The following NF1 variants were observed in gnomAD, a reference collection of about 807,000 sequenced individuals.
NF1 encodes the protein neurofibromin 1, also known as neurofibromin.
A neutral mutation model predicts 325.7 loss-of-function variants in NF1; 122 were observed. The ratio of observed to expected loss-of-function variants is 0.37; its 90% CI spans 0.32 to 0.44. NF1 has a LOEUF of 0.44. Ranked by LOEUF, NF1 falls within the 20% of genes least tolerant of loss-of-function variation. The probability of loss-of-function intolerance (pLI) is 1.00; values close to 1 mark genes in which losing one functional copy is unlikely to be tolerated. For missense variants in NF1, 2,140 were observed against 3,415.4 expected, an observed-to-expected ratio of 0.63 and a Z score of 9.31; for synonymous variants, 1,091 against 1,186.0, an observed-to-expected ratio of 0.92 and a Z score of 1.65.
rs2151561382 is a variant in NF1 at position 31,340,494 on chromosome 17, T to G, written c.6922-11T>G. The G allele has an allele frequency of 3.1e-6, 5 of 1,614,210 alleles. No homozygotes were observed. Among genetic ancestry groups the G allele is most frequent in the Non-Finnish European group, 4.2e-6 (5 of 1,180,014 alleles). On this transcript the variant is annotated splice_polypyrimidine_tract_variant and intron_variant, in intron 46 of 57. Coordinates refer to ENST00000358273, the MANE Select transcript of NF1 (RefSeq NM_001042492.3). Reference sequence around the variant, plus strand: ...TCATCTTACTAGCCTCAAACATATCTTCTTTGCCAGGACTCGCCTCTGCAC... The same window carrying G: ...TCATCTTACTAGCCTCAAACATATCGTCTTTGCCAGGACTCGCCTCTGCAC...
chr17:31,181,801 A>ATTTTTTTTTTTTTTTTTTTTTTTTTT lies in NF1; in HGVS notation c.730+32_730+33insTTTTTTTTTTTTTTTTTTTTTTTTTT. 1.6e-6 allele frequency: 2 copies of ATTTTTTTTTTTTTTTTTTTTTTTTTT among 1,218,592 alleles called. No homozygotes were observed. Among genetic ancestry groups the ATTTTTTTTTTTTTTTTTTTTTTTTTT allele is most frequent in the Non-Finnish European group, 2.3e-6 (2 of 853,106 alleles). 75.5% of individuals were successfully genotyped at this position (1,218,592 alleles called of 1,614,324 possible). A position where few individuals can be genotyped will look rare whatever the true frequency, so the allele number is the denominator to read the frequency against. ...GATATGGCTGGTAAGGATACGATTG[A>ATTTTTTTTTTTTTTTTTTTTTTTTTT]TTTTTTTTTTTTTTTTGTCTTTTAA... On this transcript the variant is annotated intron_variant, in intron 7 of 57. Transcript: ENST00000358273.
chr17:31,141,334 A>C (rs1473498481), intron 1 of NF1, among the ~76,000 whole-genome samples: 1 of 152,014 alleles, frequency 6.6e-6, no homozygotes, highest in Non-Finnish European at 1.5e-5. Context: ...AGGTATCTGA[A>C]ATACTTACCA....
At chr17:31,258,919 G>T in intron 32 of NF1, 113 bp from the exon 33 acceptor site, 1 of 682,562 alleles carries the variant, frequency 1.5e-6, no homozygotes. Context: ...TGATTTTTAA[G>T]TACTAGCAGA....
chr17:31,318,047 A>G lies in NF1; in HGVS notation c.4836-7773A>G, dbSNP rs1479369049. 3 of 433,210 alleles carry G rather than the reference A, an allele frequency of 6.9e-6. No homozygotes were observed. In the East Asian group the frequency reaches 1.2e-4, roughly 17 times the overall value. The allele number at this position is 433,210 out of a possible 1,614,324, so 26.8% of individuals were successfully genotyped here. A position where few individuals can be genotyped will look rare whatever the true frequency, so the allele number is the denominator to read the frequency against. Reference sequence around the variant, plus strand: ...GCTATCTCTATTAATCAGTTTCCTCAATTTATCCTTAAAATTTTCCTCAAA... The same window carrying G: ...GCTATCTCTATTAATCAGTTTCCTCGATTTATCCTTAAAATTTTCCTCAAA... On this transcript the variant is annotated intron_variant, in intron 36 of 57. Transcript: ENST00000358273.
chr17:31,207,962 C>T (rs1247403478), intron 12 of NF1, among the ~76,000 whole-genome samples: 1 of 152,022 alleles, frequency 6.6e-6, no homozygotes, highest in Non-Finnish European at 1.5e-5. Context: ...ACCAGCTGCC[C>T]ATAATTTTCT....
intron 1 of NF1, among the ~76,000 whole-genome samples, chr17:31,154,053 A>AT (rs67332557): frequency 0.045 from 2,357 of 52,758 alleles, 439 homozygotes; most frequent in African/African-American, 0.12. Context: ...AGTTTCTTTG[A>AT]TTTTTTTTTT....
Position 31,358,616 on chromosome 17 carries a change from C to T in NF1, c.8107C>T (p.Leu2703=), listed in dbSNP as rs955074155. ...ESPPQYQTSY[L]QSFGFNGLWR... ...CCCACCACAATACCAAACATCTTAC[C>T]TGCAAAGTAAATAAATGTATCTGGA... is the stretch of plus-strand genomic sequence containing the variant. Residue 2703 remains leucine, a synonymous_variant, in exon 55 of 58, where the codon CTG becomes TTG. Transcript: ENST00000358273. The T allele has an allele frequency of 6.2e-7, 1 of 1,614,014 alleles. No individual in the cohort carries two copies. Among genetic ancestry groups the T allele is most frequent in the Non-Finnish European group, 8.5e-7 (1 of 1,179,938 alleles).
At chr17:31,361,048 C>T (rs2070383988) in intron 57 of NF1, 3 of 222,952 alleles carry the variant, frequency 1.3e-5, no homozygotes, top group Admixed American at 1.2e-4. Context: ...CCCTAAGGGC[C>T]TCTTTCTCTG....
rs551355601 is a variant in NF1 at position 31,342,364 on chromosome 17, G to A, written c.7063-645G>A. Among the ~76,000 whole-genome samples, 6 of 152,272 alleles carry A rather than the reference G, an allele frequency of 3.9e-5. No homozygotes were observed. In the East Asian group the frequency reaches 7.7e-4, roughly 20 times the overall value. On this transcript the variant is annotated intron_variant, in intron 47 of 57. Transcript: ENST00000358273. Reference sequence around the variant, plus strand: ...TGTAATTCCAGCACTCTGGGAGGCCGAGTTGGGAGGATCACTTGAGGTTAG... The same window carrying A: ...TGTAATTCCAGCACTCTGGGAGGCCAAGTTGGGAGGATCACTTGAGGTTAG...
intron 29 of NF1, among the ~76,000 whole-genome samples, chr17:31,241,050 G>C (rs530611663): frequency 1.3e-5 from 2 of 152,106 alleles, no homozygotes; most frequent in African/African-American, 4.8e-5. Flanking sequence ...GCTGATTTTT[G>C]TATTTTTAGT....
chr17:31,318,153 T>C (rs2151526076), intron 36 of NF1: 1 of 894,678 alleles, frequency 1.1e-6, no homozygotes, highest in Non-Finnish European at 1.7e-6. Context: ...TAAGCAGGCA[T>C]ACTTCTCCCT....
rs1250496630 is a variant in NF1, at chr17:31,235,920, A to G, written c.3873A>G (p.Val1291=). 17 of 1,613,352 alleles carry G rather than the reference A, an allele frequency of 1.1e-5. No individual in the cohort carries two copies. Among genetic ancestry groups the G allele is most frequent in the Admixed American group, 1.7e-5 (1 of 59,994 alleles). ...ASKIMTFCFK[V]YGATYLQKLL... is the part of the protein sequence containing the mutation. ...CTCCTATTCGTGCATTTCTGTAGGTATATGGTGCTACCTATCTACAAAAAC... is the reference window on the plus strand; with the variant it reads ...CTCCTATTCGTGCATTTCTGTAGGTGTATGGTGCTACCTATCTACAAAAAC... The change falls in exon 29 of 58, where the codon GTA becomes GTG. Residue 1291 remains valine, a splice_region_variant and synonymous_variant. Transcript: ENST00000358273.
In NF1 at chr17:31,181,801, A is replaced by ATTTTTT. The variant is rs71142032; in HGVS notation, c.730+27_730+32dup. The ATTTTTT allele has an allele frequency of 4.1e-5, 50 of 1,218,954 alleles. No individual in the cohort carries two copies. Among genetic ancestry groups the ATTTTTT allele is most frequent in the African/African-American group, 6.1e-5 (4 of 65,908 alleles). The allele number at this position is 1,218,954 out of a possible 1,614,324, so 75.5% of individuals were successfully genotyped here. ...GATATGGCTGGTAAGGATACGATTG[A>ATTTTTT]TTTTTTTTTTTTTTTTGTCTTTTAA... is the stretch of plus-strand genomic sequence containing the variant. On this transcript the variant is annotated intron_variant, in intron 7 of 57. Coordinates refer to ENST00000358273, the MANE Select transcript of NF1 (RefSeq NM_001042492.3).
chr17:31,159,712 G>T (rs2065729080), intron 3 of NF1, among the ~76,000 whole-genome samples: 2 of 152,098 alleles, frequency 1.3e-5, no homozygotes, highest in Non-Finnish European at 2.9e-5. Context: ...TGTAAAGAAA[G>T]TATTTCTATA....
At chr17:31,318,474 A>G (rs535998011) in intron 36 of NF1, 1 of 1,614,028 alleles carries the variant, frequency 6.2e-7, no homozygotes, top group South Asian at 1.1e-5. Flanking sequence ...GAAAATCGCC[A>G]TTGCTTCTAG....
chr17:31,223,300 A>G (rs1285848728), intron 15 of NF1, 144 bp from the exon 16 acceptor site: 43 of 957,492 alleles, frequency 4.5e-5, no homozygotes, highest in Non-Finnish European at 6.5e-5. Flanking sequence ...TGACACTTTG[A>G]TAACTGTTTC....
At chr17:31,167,975 G>C (rs567828459) in intron 4 of NF1, among the ~76,000 whole-genome samples, 1 of 151,960 alleles carries the variant, frequency 6.6e-6, no homozygotes, top group African/African-American at 2.4e-5. Context: ...AGGCTTACTC[G>C]GTTTTCAAAT....
At chr17:31,216,846 A>C (rs2066827579) in intron 13 of NF1, among the ~76,000 whole-genome samples, 1 of 151,850 alleles carries the variant, frequency 6.6e-6, no homozygotes, top group Non-Finnish European at 1.5e-5. Context: ...ATGCCTTCAT[A>C]CCTCCCTTGC....
chr17:31,372,402 T>C (rs1409234802), intron 57 of NF1, among the ~76,000 whole-genome samples: 1 of 150,428 alleles, frequency 6.6e-6, no homozygotes, highest in Admixed American at 6.6e-5. Flanking sequence ...CCAAAATTTA[T>C]GCCAGCAGTA....
Sources: allele counts gnomAD v4.1 joint callset (sites outside exome capture counted in the v4.1 genomes callset), GRCh38; gene constraint gnomAD v4.1.1; transcripts MANE v1.5; gene names NCBI Gene and HGNC (gene_info 2026-07-23, HGNC 2026-07-21).